The following COL22A1 variants were observed in gnomAD, a reference collection of about 807,000 sequenced individuals.
COL22A1 encodes collagen type XXII alpha 1 chain.
A neutral mutation model predicts 248.9 loss-of-function variants in COL22A1; 221 were observed. The observed-to-expected ratio is 0.89, with a 90% confidence interval of 0.80 to 0.99. The LOEUF (loss-of-function observed/expected upper bound fraction) is 0.99, where lower values mean the gene tolerates loss of function less well. Among genes scored for constraint, COL22A1 ranks in the 50% least tolerant of loss-of-function variants. The pLI is 0.00. For synonymous variants in COL22A1, 891 were observed against 793.4 expected, an observed-to-expected ratio of 1.12 and a Z score of -2.07; for missense variants, 2,240 against 2,179.0, an observed-to-expected ratio of 1.03 and a Z score of -0.56.
chr8:138,793,028 C>A (rs987154463), intron 12 of COL22A1, among the ~76,000 whole-genome samples: 3 of 152,158 alleles, frequency 2.0e-5, no homozygotes, highest in Non-Finnish European at 4.4e-5. Flanking sequence ...GTATGAAATA[C>A]CCTTAGCAGG....
chr8:138,646,740 C>T, intron 46 of COL22A1, 58 bp from the exon 47 acceptor site: 7 of 1,278,664 alleles, frequency 5.5e-6, no homozygotes, highest in Non-Finnish European at 7.6e-6. Flanking sequence ...GGCCCACATC[C>T]AGGGTCATCA....
intron 6 of COL22A1, chr8:138,825,790 G>A (rs1819532308): frequency 6.6e-6 from 1 of 152,196 alleles, no homozygotes; most frequent in Non-Finnish European, 1.5e-5. Context: ...GCTGAAAAGT[G>A]AGTAATATCT....
chr8:138,687,613 G>A (rs1416670824), intron 37 of COL22A1, among the ~76,000 whole-genome samples: 2 of 152,194 alleles, frequency 1.3e-5, no homozygotes, highest in African/African-American at 4.8e-5. Context: ...AGGGAGGGCA[G>A]GACACAACCA....
intron 44 of COL22A1, among the ~76,000 whole-genome samples, chr8:138,658,743 C>A (rs1823518807): frequency 6.6e-6 from 1 of 152,156 alleles, no homozygotes; most frequent in South Asian, 2.1e-4. Context: ...TGGGAAATGA[C>A]TGAACATGAG....
intron 39 of COL22A1, among the ~76,000 whole-genome samples, chr8:138,679,929 A>G (rs1260296381): frequency 3.3e-5 from 5 of 152,218 alleles, no homozygotes; most frequent in Admixed American, 3.3e-4. Context: ...AGGAGGCAGC[A>G]TGACAGAAAG....
chr8:138,621,342 C>G (rs1355154508), intron 52 of COL22A1, among the ~76,000 whole-genome samples: 1 of 152,182 alleles, frequency 6.6e-6, no homozygotes, highest in African/African-American at 2.4e-5. Flanking sequence ...AGGCTGGGCC[C>G]CAGCCTGGAG....
chr8:138,791,670 G>A (rs1816055711), intron 12 of COL22A1, among the ~76,000 whole-genome samples: 2 of 152,158 alleles, frequency 1.3e-5, no homozygotes, highest in Admixed American at 1.3e-4. Context: ...ATCCTCTTCA[G>A]GATGTGGAGC....
intron 32 of COL22A1, among the ~76,000 whole-genome samples, chr8:138,696,674 C>T (rs1021163214): frequency 2.0e-5 from 3 of 152,270 alleles, no homozygotes; most frequent in East Asian, 1.9e-4. Flanking sequence ...TGCATGGAAC[C>T]GACATGGTCT....
intron 48 of COL22A1, 49 bp from the exon 49 acceptor site, chr8:138,635,112 T>A: frequency 6.9e-7 from 1 of 1,447,864 alleles, no homozygotes; most frequent in South Asian, 1.2e-5. Flanking sequence ...AAAAATACTT[T>A]TTACTTTGTG....
rs1816849565 is a variant in COL22A1, at chr8:138,589,404, A to G, written c.4730T>C (p.Leu1577Pro). Residue 1577 changes from leucine (L) to proline (P), a missense_variant, in exon 65 of 65, where the codon CTT becomes CCT. By Grantham distance (98) the Leu-to-Pro change is moderately conservative. Coordinates refer to ENST00000303045, the MANE Select transcript of COL22A1 (RefSeq NM_152888.3). ...CCCTTGAGGGCCAGGGATCCCAGGAAGTCCATCTTTAGCATAGCCAGGTTC... is the reference window on the plus strand; with the variant it reads ...CCCTTGAGGGCCAGGGATCCCAGGAGGTCCATCTTTAGCATAGCCAGGTTC... ...PGEPGYAKDG[L>P]PGIPGPQGET... The G allele has an allele frequency of 1.0e-5, 16 of 1,590,502 alleles. No individual in the cohort carries two copies. Among genetic ancestry groups the G allele is most frequent in the Non-Finnish European group, 1.3e-5 (15 of 1,169,252 alleles).
chr8:138,807,962 ACTGTGCTGAAAGT>A (rs746299262), intron 9 of COL22A1, 150 bp from the exon 10 acceptor site: 1 of 727,266 alleles, frequency 1.4e-6, no homozygotes, highest in Non-Finnish European at 2.3e-6. Context: ...AAATTGGTTG[ACTGTGCTGAAAGT>A]CTCTGCTCTT....
chr8:138,676,450 AAAGAAAGG>A (rs1384449761), intron 41 of COL22A1, 100 bp downstream of exon 41: 85 of 549,704 alleles, frequency 1.5e-4, no homozygotes, highest in African/African-American at 9.2e-4. Context: ...AGAAAGAAAG[AAAGAAAGG>A]AAGAAAGAAA....
chr8:138,626,645 C>T (rs1298103519), intron 50 of COL22A1, among the ~76,000 whole-genome samples: 4 of 152,142 alleles, frequency 2.6e-5, no homozygotes, highest in African/African-American at 7.2e-5. Flanking sequence ...ACCTCAGGAC[C>T]TTGAGGTGTT....
intron 21 of COL22A1, among the ~76,000 whole-genome samples, chr8:138,753,233 C>G (rs1231147104): frequency 7.9e-5 from 12 of 152,214 alleles, no homozygotes; most frequent in African/African-American, 2.9e-4. Context: ...GCTAGCTCTA[C>G]AAGCGTGTGT....
chr8:138,819,344 C>T (rs1047037497), intron 7 of COL22A1, among the ~76,000 whole-genome samples: 4 of 151,870 alleles, frequency 2.6e-5, no homozygotes, highest in African/African-American at 9.7e-5. Flanking sequence ...GTAAATAAAA[C>T]TAGCATAGTA....
rs746724914 is a variant in COL22A1 at position 138,720,773 on chromosome 8, C to A, written c.2321G>T (p.Gly774Val). Residue 774 changes from glycine (G) to valine (V), a missense_variant, in exon 27 of 65, where the codon GGG (glycine) becomes GTG (valine). Transcript: ENST00000303045. The stretch of plus-strand genomic sequence containing the variant: ...TGGTTTTCCAGGCAGACCATCTTCC[C>A]CTCTTTCTCCTGGTTCTCCCTGGAA... ...PGTKGEPGER[G>V]EDGLPGKPGL... is the part of the protein sequence containing the mutation. 2 of 1,613,932 alleles carry A rather than the reference C, an allele frequency of 1.2e-6. No homozygotes were observed. Among genetic ancestry groups the A allele is most frequent in the South Asian group, 2.2e-5 (2 of 91,074 alleles).
chr8:138,655,919 C>T lies in COL22A1; in HGVS notation c.3311G>A (p.Gly1104Glu), dbSNP rs745396852. 1 of 1,612,726 alleles carries T rather than the reference C, an allele frequency of 6.2e-7. No individual in the cohort carries two copies. Among genetic ancestry groups the T allele is most frequent in the African/African-American group, 1.3e-5 (1 of 74,868 alleles). Residue 1104 changes from glycine to glutamate, a missense_variant, in exon 45 of 65, where the codon GGG becomes GAG. Transcript: ENST00000303045. ...TACCTTAGCCAAGAGATTTATGTCC[C>T]CTGGAGACAGTAGTGAAGAGAGGCC... ...KPGLSSLLSP[G>E]DINLLAKDVC... is the part of the protein sequence containing the mutation.
At chr8:138,887,465 G>A (rs1301035066) in intron 1 of COL22A1, among the ~76,000 whole-genome samples, 2 of 152,018 alleles carry the variant, frequency 1.3e-5, no homozygotes, top group East Asian at 1.9e-4. Context: ...TGATCCACCC[G>A]CCTCGGCCTC....
intron 44 of COL22A1, among the ~76,000 whole-genome samples, 155 bp downstream of exon 44, chr8:138,660,281 C>T (rs113284801): frequency 5.2e-4 from 79 of 152,362 alleles, no homozygotes; most frequent in East Asian, 1.7e-3. Context: ...TAGTTTATCT[C>T]TGAGTCTCAC....
Sources: allele counts gnomAD v4.1 joint callset (sites outside exome capture counted in the v4.1 genomes callset), GRCh38; gene constraint gnomAD v4.1.1; transcripts MANE v1.5; gene names NCBI Gene and HGNC (gene_info 2026-07-23, HGNC 2026-07-21).